The following DOCK9 variants were observed in gnomAD, a reference collection of about 807,000 sequenced individuals.
The protein encoded by DOCK9 is dedicator of cytokinesis protein 9.
A neutral mutation model predicts 263.3 loss-of-function variants in DOCK9; 89 were observed. The ratio of observed to expected loss-of-function variants is 0.34; its 90% confidence interval spans 0.28 to 0.40. DOCK9 has a LOEUF of 0.40. DOCK9 is among the 10% of genes least tolerant of loss of function. The pLI, the probability that DOCK9 is intolerant of heterozygous loss-of-function variation, is 1.00. For synonymous variants in DOCK9, 976 were observed against 973.1 expected (o/e 1.00, Z -0.06); for missense variants, 2,140 against 2,603.4 (o/e 0.82, Z 3.87).
chr13:98,987,953 A>T (rs1324986), intron 1 of DOCK9, among the ~76,000 whole-genome samples: 19,651 of 100,520 alleles, frequency 0.2, 2,042 homozygotes, highest in African/African-American at 0.4. Flanking sequence ...AATTTTTTTT[A>T]AATTTAAAAA....
chr13:98,977,888 T>A lies in DOCK9; in HGVS notation c.22A>T (p.Thr8Ser). The A allele has an allele frequency of 6.3e-7, 1 of 1,596,660 alleles. No homozygotes were observed. Among genetic ancestry groups the A allele is most frequent in the Non-Finnish European group, 8.5e-7 (1 of 1,170,726 alleles). ...TCCTTTTTGACACTTCTACTACTTG[T>A]CCTGCATTTATCAGCCTGCATTCTC... MQADKCR[T>S]SSRSVKKELV... The change falls in exon 1 of 53, where the codon ACA becomes TCA. Residue 8 changes from threonine (T) to serine (S), a missense_variant. Thr to Ser is a moderately conservative substitution (Grantham distance 58). Coordinates refer to ENST00000682017, the MANE Select transcript of DOCK9 (RefSeq NM_001366683.2).
Position 98,845,966 on chromosome 13 carries a change from G to A in DOCK9, c.4156C>T (p.Gln1386Ter), listed in dbSNP as rs777618453. 1 of 1,613,290 alleles carries A rather than the reference G, an allele frequency of 6.2e-7. No individual in the cohort carries two copies. ...GAGTTATCCAGGCTGCCCAGCTGCT[G>A]CAATCTGGCATGCATCATTCCTGTT... ...NRTGMMHARL[Q>*]QLGSLDNSLT... is the part of the protein sequence containing the mutation. The change falls in exon 38 of 53, where the codon CAG becomes TAG. Residue 1386 changes from glutamine to a stop codon, truncating the protein, a stop_gained. Coordinates refer to ENST00000682017, the MANE Select transcript of DOCK9 (RefSeq NM_001366683.2). LOFTEE classifies it high-confidence loss of function.
At chr13:99,082,736 T>G (rs2042178025) in intron 1 of DOCK9, among the ~76,000 whole-genome samples, 1 of 152,050 alleles carries the variant, frequency 6.6e-6, no homozygotes, top group East Asian at 1.9e-4. Flanking sequence ...CCTAAGAGCT[T>G]CACCCACATA....
At chr13:98,934,025 G>A (rs2054405206) in intron 2 of DOCK9, among the ~76,000 whole-genome samples, 1 of 151,846 alleles carries the variant, frequency 6.6e-6, no homozygotes. Flanking sequence ...AGCCTCCCAA[G>A]TAGCTGGGAC....
At chr13:98,931,355 G>A (rs982200875) in intron 2 of DOCK9, among the ~76,000 whole-genome samples, 25 of 151,856 alleles carry the variant, frequency 1.6e-4, no homozygotes, top group African/African-American at 6.0e-4. Flanking sequence ...CTGGAGTGCA[G>A]TGGCGCAATC....
chr13:98,844,177 C>G (rs1337872131), intron 38 of DOCK9, among the ~76,000 whole-genome samples: 1 of 152,068 alleles, frequency 6.6e-6, no homozygotes, highest in Non-Finnish European at 1.5e-5. Context: ...AGTCAAAGCC[C>G]CAACAGAAAA....
intron 45 of DOCK9, among the ~76,000 whole-genome samples, chr13:98,817,088 G>A (rs778850745): frequency 2.0e-5 from 3 of 152,164 alleles, no homozygotes; most frequent in African/African-American, 7.2e-5. Flanking sequence ...GATAGTCTGT[G>A]TATCCAAGCA....
chr13:98,975,093 T>A (rs1407563361), intron 1 of DOCK9, among the ~76,000 whole-genome samples: 3 of 152,194 alleles, frequency 2.0e-5, no homozygotes, highest in African/African-American at 7.2e-5. Context: ...ATTAAAATAA[T>A]GGCATAGGCC....
chr13:98,818,185 A>G (rs1348987704), intron 45 of DOCK9, among the ~76,000 whole-genome samples: 1 of 152,218 alleles, frequency 6.6e-6, no homozygotes. Context: ...TTAGTAAGCT[A>G]TATTATTCAA....
chr13:99,024,371 T>C (rs1338617882), intron 1 of DOCK9, among the ~76,000 whole-genome samples: 5 of 152,210 alleles, frequency 3.3e-5, no homozygotes, highest in South Asian at 4.1e-4. Context: ...AAAGAAATTA[T>C]ATTTTAGGCA....
At chr13:98,842,551 A>G (rs964197730) in intron 38 of DOCK9, among the ~76,000 whole-genome samples, 3 of 152,246 alleles carry the variant, frequency 2.0e-5, no homozygotes, top group Admixed American at 6.5e-5. Context: ...ACATCAAAGT[A>G]AACATAGTGT....
intron 2 of DOCK9, among the ~76,000 whole-genome samples, chr13:98,937,403 G>GTAGA (rs565743856): frequency 6.6e-5 from 10 of 152,094 alleles, no homozygotes; most frequent in Non-Finnish European, 1.3e-4. Flanking sequence ...AGAAAGATAG[G>GTAGA]TAGATAGATA....
intron 1 of DOCK9, among the ~76,000 whole-genome samples, chr13:98,970,502 T>C (rs2059631764): frequency 6.6e-6 from 1 of 152,222 alleles, no homozygotes; most frequent in African/African-American, 2.4e-5. Context: ...GAGTGAGTGC[T>C]GGCTCTCTGC....
At chr13:98,851,737 T>C (rs117838850) in intron 35 of DOCK9, among the ~76,000 whole-genome samples, 5,143 of 152,316 alleles carry the variant, frequency 0.034, 139 homozygotes, top group Middle Eastern at 0.088. Flanking sequence ...TGGAGGCAAT[T>C]TCTCCCCCTA....
At chr13:99,073,754 C>G (rs998378831) in intron 1 of DOCK9, among the ~76,000 whole-genome samples, 5 of 152,186 alleles carry the variant, frequency 3.3e-5, no homozygotes, top group African/African-American at 1.2e-4. Context: ...GCATTTTTTC[C>G]AGAATAGGGA....
intron 48 of DOCK9, among the ~76,000 whole-genome samples, chr13:98,807,111 GAC>G (rs1051853867): frequency 2.0e-5 from 3 of 152,140 alleles, no homozygotes; most frequent in African/African-American, 7.2e-5. Flanking sequence ...AGGAGGGTGG[GAC>G]ACACAAAGGT....
At chr13:99,041,060 C>T (rs1888409130) in intron 1 of DOCK9, among the ~76,000 whole-genome samples, 1 of 152,150 alleles carries the variant, frequency 6.6e-6, no homozygotes, top group Non-Finnish European at 1.5e-5. Context: ...GGCCACTGGA[C>T]ATCTGTGGCC....
chr13:98,862,976 GGGACCTGATATA>G, intron 32 of DOCK9, 31 bp downstream of exon 32: 1 of 1,527,362 alleles, frequency 6.5e-7, no homozygotes, highest in Non-Finnish European at 8.9e-7. Flanking sequence ...TGGCTTCCCC[GGGACCTGATATA>G]GGCTGAGTTA....
At chr13:98,832,530 C>T (rs1355195386) in intron 39 of DOCK9, among the ~76,000 whole-genome samples, 1 of 152,160 alleles carries the variant, frequency 6.6e-6, no homozygotes, top group Non-Finnish European at 1.5e-5. Flanking sequence ...CTACAATTTG[C>T]TTCTAGTCAT....
Sources: gnomAD v4.1 joint callset for allele counts (sites outside exome capture counted in the v4.1 genomes callset) on GRCh38, gnomAD v4.1.1 for gene constraint, MANE v1.5 for transcripts, NCBI Gene and HGNC (gene_info 2026-07-23, HGNC 2026-07-21) for gene names.